Variants in PES1 observed in about 807,000 individuals in gnomAD.
PES1 encodes pescadillo homolog.
Under a neutral mutation model 77.1 loss-of-function variants are expected in PES1, and 31 were observed. The ratio of observed to expected loss-of-function variants is 0.40; its 90% CI spans 0.30 to 0.54. The LOEUF is 0.54. PES1 is among the 20% of genes least tolerant of loss of function. The pLI is 0.45. For synonymous variants in PES1, 282 were observed against 303.0 expected (o/e 0.93, Z 0.72); for missense variants, 658 against 771.7 (o/e 0.85, Z 1.75).
chr22:30,591,676 T>G (rs1334150055), intron 1 of PES1, 134 bp downstream of exon 1: 19 of 969,178 alleles, frequency 2.0e-5, no homozygotes, highest in Non-Finnish European at 2.7e-5. Flanking sequence ...GGACCCCTTC[T>G]CGCAGCTGAT....
chr22:30,592,146 A>G (rs2087191247), upstream of PES1: 2 of 1,174,994 alleles, frequency 1.7e-6, no homozygotes, highest in South Asian at 3.2e-5. Context: ...ATGACGATTC[A>G]TTGACTGTGA....
Position 30,579,209 on chromosome 22 carries a change from ATCT to A in PES1, c.1446_1448del (p.Glu482del). ...CCTCCTTTTCTGAACCAGCCTCTGC[ATCT>A]TCCTCCTCCTCCTCATTTTCTCCCT... On this transcript the variant is annotated inframe_deletion, in exon 13 of 15. Coordinates refer to ENST00000354694, the MANE Select transcript of PES1 (RefSeq NM_014303.4). The A allele has an allele frequency of 6.2e-7, 1 of 1,606,486 alleles. No homozygotes were observed. Among genetic ancestry groups the A allele is most frequent in the Non-Finnish European group, 8.5e-7 (1 of 1,178,842 alleles).
intron 4 of PES1, among the ~76,000 whole-genome samples, chr22:30,586,713 C>T (rs543005814): frequency 1.9e-4 from 29 of 152,320 alleles, no homozygotes; most frequent in African/African-American, 6.7e-4. Flanking sequence ...CCTGTAATCC[C>T]AGCACTTTGA....
At chr22:30,580,960 C>G in intron 9 of PES1, 52 bp downstream of exon 9, 1 of 1,491,578 alleles carries the variant, frequency 6.7e-7, no homozygotes. Context: ...GCTGGGAAAC[C>G]CCCCACACGA....
intron 2 of PES1, 119 bp from the exon 3 acceptor site, chr22:30,588,293 C>A: frequency 9.1e-7 from 1 of 1,101,752 alleles, no homozygotes. Flanking sequence ...CCCTTAGAGA[C>A]CTCACATCCT....
intron 6 of PES1, among the ~76,000 whole-genome samples, chr22:30,582,093 T>C (rs1450747474): frequency 2.6e-5 from 4 of 152,208 alleles, no homozygotes; most frequent in South Asian, 4.1e-4. Context: ...TTGCTGCATG[T>C]CTGCTGCTGG....
At chr22:30,588,272 T>C (rs2087123549) in intron 2 of PES1, 98 bp from the exon 3 acceptor site, 1 of 1,416,724 alleles carries the variant, frequency 7.1e-7, no homozygotes. Flanking sequence ...ATGGGGAACA[T>C]GGGGTCCCTG....
chr22:30,585,713 G>T (rs563982167), intron 4 of PES1, among the ~76,000 whole-genome samples: 1 of 149,444 alleles, frequency 6.7e-6, no homozygotes, highest in African/African-American at 2.5e-5. Context: ...AGGGGTTGGG[G>T]GGAGTGGGGG....
At chr22:30,583,909 A>G (rs1359356712) in intron 6 of PES1, among the ~76,000 whole-genome samples, 1 of 152,278 alleles carries the variant, frequency 6.6e-6, no homozygotes, top group African/African-American at 2.4e-5. Flanking sequence ...AGGCAAGGCC[A>G]CTTGGCCAAG....
At chr22:30,585,378 G>C (rs1402865793) in intron 4 of PES1, 1 of 470,596 alleles carries the variant, frequency 2.1e-6, no homozygotes, top group Middle Eastern at 3.3e-4. Context: ...GCCCTGTTGA[G>C]GGACAGAGGC....
At chr22:30,588,452 C>A (rs949430416) in intron 2 of PES1, among the ~76,000 whole-genome samples, 4 of 152,100 alleles carry the variant, frequency 2.6e-5, no homozygotes, top group African/African-American at 9.7e-5. Flanking sequence ...GTCCAGAAGG[C>A]TGGAAACAGC....
At chr22:30,606,707 C>A (rs1162184650) in intron 1 of PES1, 3 of 157,292 alleles carry the variant, frequency 1.9e-5, no homozygotes, top group African/African-American at 7.5e-5. Context: ...CTGCCCAACT[C>A]CCCCTCCCCA....
intron 2 of PES1, among the ~76,000 whole-genome samples, chr22:30,598,791 TTG>T (rs577075646): frequency 4.3e-4 from 65 of 152,020 alleles, no homozygotes; most frequent in Admixed American, 1.8e-3. Context: ...ATGTTGTATA[TTG>T]TGTCTACATG....
chr22:30,591,756 T>C, intron 1 of PES1, 54 bp downstream of exon 1: 1 of 1,541,056 alleles, frequency 6.5e-7, no homozygotes, highest in Non-Finnish European at 8.8e-7. Context: ...GACCCCATGC[T>C]CTGCCGCCCC....
At chr22:30,594,507 G>C (rs1012236143), upstream of PES1, among the ~76,000 whole-genome samples, 2 of 151,532 alleles carry the variant, frequency 1.3e-5, no homozygotes, top group Non-Finnish European at 2.9e-5. Context: ...GCAACAGAGA[G>C]ACTCTGTTTC....
At chr22:30,592,775 C>A (rs12484511), upstream of PES1, among the ~76,000 whole-genome samples, 2 of 152,072 alleles carry the variant, frequency 1.3e-5, no homozygotes, top group South Asian at 4.2e-4. Context: ...CCAGCCTGGG[C>A]GACAGAGTGA....
At chr22:30,589,156 A>G (rs1370383908) in intron 2 of PES1, 35 bp downstream of exon 2, 1 of 1,545,784 alleles carries the variant, frequency 6.5e-7, no homozygotes, top group Admixed American at 1.7e-5. Flanking sequence ...TGTGCAATTC[A>G]CTGCCCGGGC....
chr22:30,579,870 T>A lies in PES1; in HGVS notation c.1235A>T (p.Glu412Val). The A allele has an allele frequency of 6.2e-7, 1 of 1,614,146 alleles. No individual in the cohort carries two copies. The highest frequency in any genetic ancestry group is 8.5e-7 in the Non-Finnish European group (1 of 1,180,004). The change falls in exon 12 of 15, where the codon GAG (glutamate) becomes GTG (valine). Residue 412 changes from glutamate to valine, a missense_variant. Coordinates refer to ENST00000354694, the MANE Select transcript of PES1 (RefSeq NM_014303.4). ...GGGCAGCTGCACCCCAGAGAAGTAC[T>A]CTGCCACGGGGAGAAGGAGCCTGGC... ...VNARLLLPVA[E>V]YFSGVQLPPH...
At chr22:30,585,997 C>T (rs111338112) in intron 4 of PES1, among the ~76,000 whole-genome samples, 3,362 of 152,282 alleles carry the variant, frequency 0.022, 63 homozygotes, top group South Asian at 0.066. Context: ...CCTCACTCTC[C>T]ACCTCACAGA....
Sources: allele counts gnomAD v4.1 joint callset (sites outside exome capture counted in the v4.1 genomes callset), GRCh38; gene constraint gnomAD v4.1.1; transcripts MANE v1.5; gene names NCBI Gene and HGNC (gene_info 2026-07-23, HGNC 2026-07-21).